GBE1: variants seen among roughly 807,000 people sequenced by gnomAD.
The protein encoded by GBE1 is 1,4-alpha-glucan branching enzyme 1, also known as 1,4-alpha-glucan-branching enzyme.
A neutral mutation model predicts 88.8 loss-of-function variants in GBE1; 70 were observed. The ratio of observed to expected loss-of-function variants is 0.79; its 90% confidence interval spans 0.65 to 0.96. The LOEUF is 0.96. Ranked by LOEUF, GBE1 falls within the 40% of genes least tolerant of loss-of-function variation. The pLI is 0.00. For missense variants in GBE1, 872 were observed against 871.0 expected (o/e 1.00, Z -0.01); for synonymous variants, 284 against 300.1 (o/e 0.95, Z 0.56).
At chr3:81,657,120 C>A (rs1451244680) in intron 3 of GBE1, among the ~76,000 whole-genome samples, 2 of 143,492 alleles carry the variant, frequency 1.4e-5, no homozygotes, top group Admixed American at 1.4e-4. Flanking sequence ...CACGCCACTG[C>A]ACTCCAGCCG....
chr3:81,490,552 C>CACATCTGCCTA (rs1702423139), intron 15 of GBE1, 89 bp from the exon 16 acceptor site: 3 of 1,016,248 alleles, frequency 3.0e-6, no homozygotes, highest in Non-Finnish European at 4.6e-6. Flanking sequence ...GACGCAGTCT[C>CACATCTGCCTA]ACATCTGCCT....
chr3:81,511,547 G>A (rs1702725557), intron 14 of GBE1, among the ~76,000 whole-genome samples: 1 of 151,806 alleles, frequency 6.6e-6, no homozygotes, highest in Non-Finnish European at 1.5e-5. Context: ...CTTCTTACAA[G>A]AAGACATACA....
In GBE1 at chr3:81,592,139, ATG is replaced by A. The variant is rs1703887703; in HGVS notation, c.1109-977_1109-976del. ...CACCACCCATAGTTACCACATGTGT[ATG>A]TGTGTGTGCGCGCGTGTGTGTGTGT... On this transcript the variant is annotated intron_variant, in intron 8 of 15. Transcript: ENST00000429644. Among the ~76,000 whole-genome samples, 7 of 152,130 alleles carry A rather than the reference ATG, an allele frequency of 4.6e-5. 1 individual carries two copies. In the South Asian group the frequency reaches 1.2e-3, roughly 27 times the overall value.
chr3:81,620,425 G>A (rs1023050265), intron 7 of GBE1, among the ~76,000 whole-genome samples: 41 of 151,832 alleles, frequency 2.7e-4, no homozygotes, highest in Non-Finnish European at 2.8e-4. Context: ...CTCGTAATCC[G>A]CCCGCCTCGG....
intron 14 of GBE1, among the ~76,000 whole-genome samples, chr3:81,507,548 A>T (rs958403608): frequency 6.6e-6 from 1 of 151,682 alleles, no homozygotes; most frequent in Non-Finnish European, 1.5e-5. Context: ...TGGGTGACAG[A>T]GCAAGACTCC....
rs542388029 is a variant in GBE1, at chr3:81,721,445, C to T, written c.144-15832G>A. On this transcript the variant is annotated intron_variant, in intron 1 of 15. Coordinates refer to ENST00000429644, the MANE Select transcript of GBE1 (RefSeq NM_000158.4). ...GTGATCCCAAAGTGCTCTGACCAGA[C>T]ATACTGATACAAATAATTACTGTTT... Among the ~76,000 whole-genome samples, 4 of 152,110 alleles carry T rather than the reference C, an allele frequency of 2.6e-5. No individual in the cohort carries two copies. In the East Asian group the frequency reaches 7.7e-4, roughly 29 times the overall value.
At chr3:81,503,900 A>G (rs1702622259) in intron 14 of GBE1, among the ~76,000 whole-genome samples, 1 of 152,174 alleles carries the variant, frequency 6.6e-6, no homozygotes, top group South Asian at 2.1e-4. Context: ...GACCATACAT[A>G]TAGGAAGCAT....
intron 7 of GBE1, among the ~76,000 whole-genome samples, chr3:81,608,412 C>CATA (rs1369495100): frequency 6.6e-6 from 1 of 152,148 alleles, no homozygotes; most frequent in African/African-American, 2.4e-5. Context: ...TTAAATCAGG[C>CATA]ATTTAGGAAA....
intron 3 of GBE1, among the ~76,000 whole-genome samples, chr3:81,659,568 T>C (rs1704993949): frequency 1.3e-5 from 2 of 150,122 alleles, no homozygotes; most frequent in Admixed American, 1.3e-4. Context: ...CAGGTTGATC[T>C]CAAACTCCTG....
chr3:81,490,546 C>A lies in GBE1; in HGVS notation c.2053-83G>T, dbSNP rs181056474. 7.3e-4 allele frequency: 793 copies of A among 1,081,674 alleles called. 1 individual carries two copies. The highest frequency in any genetic ancestry group is 1.0e-3 in the Non-Finnish European group (730 of 705,900). 67.0% of individuals were successfully genotyped at this position (1,081,674 alleles called of 1,614,324 possible). ...ATGTCAAAGAAACATAGGCATGACG[C>A]AGTCTCACATCTGCCTAAAGTTACA... On this transcript the variant is annotated intron_variant, in intron 15 of 15. Transcript: ENST00000429644.
intron 14 of GBE1, chr3:81,509,632 C>T (rs1702699497): frequency 6.6e-6 from 1 of 151,748 alleles, no homozygotes; most frequent in East Asian, 1.9e-4. Flanking sequence ...GAGTGAGTGT[C>T]TTTTCATTAT....
chr3:81,550,360 C>A (rs1703256160), intron 12 of GBE1, among the ~76,000 whole-genome samples: 1 of 151,192 alleles, frequency 6.6e-6, no homozygotes, highest in South Asian at 2.1e-4. Flanking sequence ...TGCAAGAGAC[C>A]TAACAGTTAG....
chr3:81,714,946 G>A (rs1046257833), intron 1 of GBE1, among the ~76,000 whole-genome samples: 3 of 152,024 alleles, frequency 2.0e-5, no homozygotes, highest in South Asian at 2.1e-4. Context: ...GGAGAGGGCC[G>A]CTCTTGTGAT....
At chr3:81,619,117 T>C (rs1365093581) in intron 7 of GBE1, among the ~76,000 whole-genome samples, 1 of 152,130 alleles carries the variant, frequency 6.6e-6, no homozygotes, top group Non-Finnish European at 1.5e-5. Context: ...AAATCATCAA[T>C]AATATTGATA....
chr3:81,528,669 G>A (rs1702977419), intron 14 of GBE1, among the ~76,000 whole-genome samples: 1 of 151,948 alleles, frequency 6.6e-6, no homozygotes, highest in Non-Finnish European at 1.5e-5. Flanking sequence ...CCAGTGTGGG[G>A]TGCATATCTA....
At chr3:81,693,445 TA>T (rs1441575001) in intron 2 of GBE1, among the ~76,000 whole-genome samples, 1 of 152,122 alleles carries the variant, frequency 6.6e-6, no homozygotes, top group Non-Finnish European at 1.5e-5. Context: ...CTACTTATAA[TA>T]ACATCAAAAT....
intron 2 of GBE1, among the ~76,000 whole-genome samples, chr3:81,696,234 C>A (rs551189663): frequency 4.3e-4 from 65 of 152,276 alleles, no homozygotes; most frequent in African/African-American, 1.5e-3. Flanking sequence ...TCAGTGAATT[C>A]CAATTCACCT....
At chr3:81,584,477 T>C (rs1703772152) in intron 10 of GBE1, among the ~76,000 whole-genome samples, 1 of 152,066 alleles carries the variant, frequency 6.6e-6, no homozygotes, top group African/African-American at 2.4e-5. Context: ...GTCTAAGGGT[T>C]TTATTGTAAT....
chr3:81,681,689 G>T (rs2107131176), intron 2 of GBE1, among the ~76,000 whole-genome samples: 1 of 152,194 alleles, frequency 6.6e-6, no homozygotes, highest in African/African-American at 2.4e-5. Flanking sequence ...ATTGAATGAG[G>T]GAAAGAATAG....
Sources: gnomAD v4.1 joint callset for allele counts (sites outside exome capture counted in the v4.1 genomes callset) on GRCh38, gnomAD v4.1.1 for gene constraint, MANE v1.5 for transcripts, NCBI Gene and HGNC (gene_info 2026-07-23, HGNC 2026-07-21) for gene names.